RTTN: variants seen among roughly 807,000 people sequenced by gnomAD.
RTTN encodes rotatin.
RTTN carries 182 observed loss-of-function variants against 269.2 expected under a neutral mutation model. That is an observed-to-expected ratio of 0.68 (90% CI 0.60 to 0.76). The LOEUF (loss-of-function observed/expected upper bound fraction) is 0.76. RTTN is among the 30% of genes least tolerant of loss of function. The pLI is 0.00. For synonymous variants in RTTN, 1,006 were observed against 963.5 expected (o/e 1.04, Z -0.82); for missense variants, 2,545 against 2,608.6 (o/e 0.98, Z 0.53).
chr18:70,087,082 C>T (rs574028182), intron 31 of RTTN, among the ~76,000 whole-genome samples: 13 of 152,054 alleles, frequency 8.5e-5, no homozygotes, highest in Non-Finnish European at 1.9e-4. Flanking sequence ...AACACACGCA[C>T]CCCTCTGCCC....
intron 23 of RTTN, 71 bp from the exon 24 acceptor site, chr18:70,128,617 A>G (rs1312070108): frequency 7.6e-7 from 1 of 1,318,720 alleles, no homozygotes; most frequent in Non-Finnish European, 1.1e-6. Flanking sequence ...ATGAGCCACA[A>G]ATGAGGGCTA....
In RTTN at chr18:70,003,188, A is replaced by G. The variant is rs2056088960; in HGVS notation, c.*963T>C. On this transcript the variant is annotated 3_prime_UTR_variant, in exon 49 of 49. Transcript: ENST00000640769. ...GGAGTAGCTGAGATTATAGACGCTCAAGACCAGGAATGGCTAATTTTTGTA... is the reference window on the plus strand; with the variant it reads ...GGAGTAGCTGAGATTATAGACGCTCGAGACCAGGAATGGCTAATTTTTGTA... 1 of 151,938 alleles carries G rather than the reference A, an allele frequency of 6.6e-6. No individual in the cohort carries two copies. Among genetic ancestry groups the G allele is most frequent in the Non-Finnish European group, 1.5e-5 (1 of 68,006 alleles). The allele number at this position is 151,938 out of a possible 1,614,324, so 9.4% of individuals were successfully genotyped here. A position where few individuals can be genotyped will look rare whatever the true frequency, so the allele number is the denominator to read the frequency against.
intron 11 of RTTN, 48 bp downstream of exon 11, chr18:70,176,627 A>C (rs748338435): frequency 1.2e-5 from 18 of 1,513,584 alleles, no homozygotes; most frequent in Non-Finnish European, 1.6e-5. Flanking sequence ...CAGAGCATTT[A>C]TTTATAATAG....
chr18:70,148,845 C>G, intron 17 of RTTN, 56 bp downstream of exon 17: 5 of 1,598,832 alleles, frequency 3.1e-6, no homozygotes, highest in Non-Finnish European at 3.4e-6. Flanking sequence ...AGTTACTATA[C>G]TTTCTTAGCA....
At chr18:70,161,424 G>A (rs1011696313) in intron 14 of RTTN, among the ~76,000 whole-genome samples, 1 of 151,928 alleles carries the variant, frequency 6.6e-6, no homozygotes, top group Admixed American at 6.6e-5. Flanking sequence ...ACAGGTCTTG[G>A]AAAATATTTC....
At chr18:70,148,738 A>G (rs2060460522) in intron 17 of RTTN, among the ~76,000 whole-genome samples, 163 bp downstream of exon 17, 1 of 152,184 alleles carries the variant, frequency 6.6e-6, no homozygotes, top group South Asian at 2.1e-4. Context: ...AAGTACATAC[A>G]AGACCTTGTA....
Position 70,092,228 on chromosome 18 carries a change from G to T in RTTN, c.4033-8C>A, listed in dbSNP as rs752931623. ...CCAAAGTGACATCCACTCCTAGAGG[G>T]AAAAAAGGGAAACAGAAATATTTGA... On this transcript the variant is annotated splice_polypyrimidine_tract_variant and splice_region_variant and intron_variant, in intron 29 of 48. Transcript: ENST00000640769. 83 of 1,489,218 alleles carry T rather than the reference G, an allele frequency of 5.6e-5. No individual in the cohort carries two copies. The Middle Eastern group carries it at 6.9e-4, about 12-fold the overall frequency. 92.3% of individuals were successfully genotyped at this position (1,489,218 alleles called of 1,614,324 possible).
At chr18:70,014,837 C>T (rs375901882) in intron 46 of RTTN, among the ~76,000 whole-genome samples, 15 of 152,144 alleles carry the variant, frequency 9.9e-5, no homozygotes, top group East Asian at 7.7e-4. Context: ...TCCTCTCACC[C>T]CTCGATACTC....
chr18:70,004,551 A>C (rs2056121763), intron 48 of RTTN, among the ~76,000 whole-genome samples: 1 of 152,132 alleles, frequency 6.6e-6, no homozygotes, highest in Non-Finnish European at 1.5e-5. Flanking sequence ...CTAAAGCATA[A>C]TCTTTAACTT....
At chr18:70,049,550 T>C (rs938105944) in intron 39 of RTTN, among the ~76,000 whole-genome samples, 6 of 152,138 alleles carry the variant, frequency 3.9e-5, no homozygotes, top group African/African-American at 1.4e-4. Context: ...AATTGTATCA[T>C]GCATTTAAGT....
At chr18:70,023,993 G>A (rs1247619039) in intron 44 of RTTN, among the ~76,000 whole-genome samples, 2 of 152,098 alleles carry the variant, frequency 1.3e-5, no homozygotes, top group Admixed American at 6.6e-5. Context: ...ATGTTTGCCA[G>A]GCTAGTCTCA....
intron 39 of RTTN, among the ~76,000 whole-genome samples, chr18:70,050,626 A>G (rs2057633587): frequency 6.6e-6 from 1 of 152,216 alleles, no homozygotes; most frequent in African/African-American, 2.4e-5. Flanking sequence ...ATGCACACAT[A>G]TGTTTACTGT....
rs2061518422 is a variant in RTTN, at chr18:70,185,150, A to AT, written c.1305+2957dup. 2.6e-5 allele frequency among the ~76,000 whole-genome samples: 4 copies of AT among 152,214 alleles called. No individual in the cohort carries two copies. The South Asian group carries it at 6.2e-4, about 24-fold the overall frequency. ...GTGCTGAGAAAATAATTGTATACCC[A>AT]TAAAAAAAAAAGTTCATTCCTTACC... On this transcript the variant is annotated intron_variant, in intron 10 of 48. Coordinates refer to ENST00000640769, the MANE Select transcript of RTTN (RefSeq NM_173630.4).
In RTTN at chr18:70,078,575, A is replaced by G. The variant is rs150353349; in HGVS notation, c.4375-3034T>C. ...TTTTAAATTATATTTTTATATATACATATATACACACACACATATACATGT... is the reference window on the plus strand; with the variant it reads ...TTTTAAATTATATTTTTATATATACGTATATACACACACACATATACATGT... On this transcript the variant is annotated intron_variant, in intron 32 of 48. Transcript: ENST00000640769. Among the ~76,000 whole-genome samples the G allele has an allele frequency of 2.9e-3, 439 of 152,048 alleles. 1 individual carries two copies. Among genetic ancestry groups the G allele is most frequent in the African/African-American group, 9.8e-3 (407 of 41,518 alleles).
chr18:70,033,144 C>G (rs999124173), intron 40 of RTTN, among the ~76,000 whole-genome samples: 1 of 152,206 alleles, frequency 6.6e-6, no homozygotes, highest in Non-Finnish European at 1.5e-5. Flanking sequence ...TGTGTGGCAT[C>G]TTGCCCCTCT....
intron 46 of RTTN, chr18:70,008,200 T>C (rs1389012830): frequency 4.6e-5 from 7 of 152,002 alleles, no homozygotes; most frequent in South Asian, 2.1e-4. Flanking sequence ...CAGAAAGGAA[T>C]AGCATCAACA....
At chr18:70,008,606 A>C (rs907625651) in intron 46 of RTTN, 5 of 151,984 alleles carry the variant, frequency 3.3e-5, no homozygotes, top group Non-Finnish European at 5.9e-5. Flanking sequence ...AACTTCGTGA[A>C]GCATACACAA....
intron 14 of RTTN, 39 bp downstream of exon 14, chr18:70,166,023 G>C (rs756268218): frequency 6.2e-7 from 1 of 1,605,728 alleles, no homozygotes; most frequent in Non-Finnish European, 8.5e-7. Context: ...TCTACTATTT[G>C]TTCTCAAAAA....
intron 25 of RTTN, among the ~76,000 whole-genome samples, chr18:70,122,758 T>C (rs1000993040): frequency 3.3e-5 from 5 of 152,126 alleles, no homozygotes; most frequent in Admixed American, 1.3e-4. Context: ...ATCCCCAAAA[T>C]GACATTCAGC....
Sources: gnomAD v4.1 joint callset for allele counts (sites outside exome capture counted in the v4.1 genomes callset) on GRCh38, gnomAD v4.1.1 for gene constraint, MANE v1.5 for transcripts, NCBI Gene and HGNC (gene_info 2026-07-23, HGNC 2026-07-21) for gene names.